The following GNG2 variants were observed in gnomAD, a reference collection of about 807,000 sequenced individuals.
GNG2 encodes the protein G protein subunit gamma 2.
A neutral mutation model predicts 5.5 loss-of-function variants in GNG2; 5 were observed. The observed-to-expected ratio is 0.91, with a 90% CI of 0.48 to 1.92. GNG2 has a LOEUF of 1.92. GNG2 is among the 30% of genes most tolerant of loss of function. The pLI, the probability that GNG2 is intolerant of heterozygous loss-of-function variation, is 0.01. For synonymous variants in GNG2, 28 were observed against 32.0 expected, an observed-to-expected ratio of 0.88 and a Z score of 0.42; for missense variants, 55 against 88.4, an observed-to-expected ratio of 0.62 and a Z score of 1.52.
At chr14:51,868,091 T>A (rs1292996959) in intron 1 of GNG2, among the ~76,000 whole-genome samples, 1 of 152,154 alleles carries the variant, frequency 6.6e-6, no homozygotes, top group Non-Finnish European at 1.5e-5. Flanking sequence ...CACAAACTCA[T>A]GGGGAAAACA....
intron 1 of GNG2, among the ~76,000 whole-genome samples, chr14:51,866,974 A>G (rs1418074938): frequency 6.6e-6 from 1 of 152,202 alleles, no homozygotes; most frequent in East Asian, 1.9e-4. Context: ...CTAAGGGATT[A>G]TGTTGTGACA....
chr14:51,919,385 A>G (rs1054145248), intron 2 of GNG2, among the ~76,000 whole-genome samples: 18 of 152,376 alleles, frequency 1.2e-4, no homozygotes, highest in African/African-American at 4.3e-4. Flanking sequence ...GAACATCTTT[A>G]AAGTCTTTAA....
chr14:51,880,978 A>AC (rs965548244), intron 2 of GNG2, among the ~76,000 whole-genome samples: 10 of 147,250 alleles, frequency 6.8e-5, no homozygotes, highest in African/African-American at 1.9e-4. Context: ...AAAAAAAAAA[A>AC]AAAAAAAAAA....
intron 3 of GNG2, chr14:51,952,059 T>A: frequency 1.6e-6 from 1 of 609,094 alleles, no homozygotes; most frequent in East Asian, 2.8e-5. Flanking sequence ...ATTTTTCAGT[T>A]CATTCCGATG....
At chr14:51,933,600 A>G (rs532626145) in intron 2 of GNG2, among the ~76,000 whole-genome samples, 2 of 152,224 alleles carry the variant, frequency 1.3e-5, no homozygotes, top group Non-Finnish European at 2.9e-5. Flanking sequence ...GATGCCAGAA[A>G]GGACCAGGAA....
At position 51,948,057 on chromosome 14, in the gene GNG2, A is replaced by C. The variant is rs538177284; in HGVS notation, c.-29-2593A>C. On this transcript the variant is annotated intron_variant, in intron 2 of 3. Transcript: ENST00000556766. ...CAAGAGGGACTTCTGTGATCAATGC[A>C]GATGCCTCCCAGGCCAGTAGCAGGA... Among the ~76,000 whole-genome samples the C allele has an allele frequency of 3.3e-5, 5 of 152,362 alleles. No homozygotes were observed. The South Asian group carries it at 1.0e-3, about 32-fold the overall frequency.
chr14:51,852,201 T>G (rs1881939545), intron 2 of GNG2, among the ~76,000 whole-genome samples: 1 of 152,224 alleles, frequency 6.6e-6, no homozygotes, highest in Admixed American at 6.5e-5. Context: ...TAATGTATAA[T>G]GAACAAACTT....
chr14:51,945,801 T>A (rs1286395645), intron 2 of GNG2, among the ~76,000 whole-genome samples: 3 of 151,952 alleles, frequency 2.0e-5, no homozygotes, highest in African/African-American at 7.3e-5. Context: ...TGTGTGTGTG[T>A]GTGATGCAGG....
chr14:51,860,416 C>A (rs569945483), upstream of GNG2: 1 of 152,862 alleles, frequency 6.5e-6, no homozygotes, highest in South Asian at 2.1e-4. Context: ...GGGACTTGAA[C>A]AAAGGGAGAA....
upstream of GNG2, among the ~76,000 whole-genome samples, chr14:51,857,665 G>A (rs1882225058): frequency 6.6e-6 from 1 of 152,168 alleles, no homozygotes; most frequent in Non-Finnish European, 1.5e-5. Flanking sequence ...GTGGCAAGAG[G>A]AAGAGAGAGG....
At chr14:51,954,727 G>A (rs779897191) in intron 3 of GNG2, among the ~76,000 whole-genome samples, 1 of 152,154 alleles carries the variant, frequency 6.6e-6, no homozygotes, top group African/African-American at 2.4e-5. Flanking sequence ...CTTTTCCTGG[G>A]AAGAAGGGAT....
intron 1 of GNG2, among the ~76,000 whole-genome samples, chr14:51,863,467 A>G (rs780400272): frequency 2.6e-5 from 4 of 152,184 alleles, no homozygotes; most frequent in Admixed American, 6.5e-5. Context: ...AAAAGTTAGC[A>G]TATTCTTGGT....
chr14:51,841,701 T>G, intron 2 of GNG2: 1 of 597,492 alleles, frequency 1.7e-6, no homozygotes, highest in East Asian at 2.8e-5. Flanking sequence ...AAAATCACTT[T>G]GTAGGAAATA....
intron 2 of GNG2, among the ~76,000 whole-genome samples, chr14:51,838,735 C>T (rs1881407128): frequency 6.6e-6 from 1 of 152,132 alleles, no homozygotes; most frequent in African/African-American, 2.4e-5. Context: ...CAGACTCCAT[C>T]TCTACAAAAA....
intron 3 of GNG2, among the ~76,000 whole-genome samples, chr14:51,958,874 T>G (rs552904513): frequency 6.6e-6 from 1 of 152,272 alleles, no homozygotes; most frequent in African/African-American, 2.4e-5. Flanking sequence ...CCATTTACTC[T>G]TACACCCATT....
At chr14:51,929,457 G>T (rs1271794342) in intron 2 of GNG2, among the ~76,000 whole-genome samples, 1 of 151,498 alleles carries the variant, frequency 6.6e-6, no homozygotes, top group Non-Finnish European at 1.5e-5. Context: ...TCTGAAATGG[G>T]TATCCATAAA....
intron 2 of GNG2, among the ~76,000 whole-genome samples, chr14:51,899,189 C>T (rs1357998440): frequency 6.6e-6 from 1 of 152,178 alleles, no homozygotes; most frequent in African/African-American, 2.4e-5. Context: ...GTTTGGAGAA[C>T]TTGATCCTTT....
At chr14:51,937,192 T>A (rs1050259048) in intron 2 of GNG2, among the ~76,000 whole-genome samples, 1 of 152,214 alleles carries the variant, frequency 6.6e-6, no homozygotes, top group Non-Finnish European at 1.5e-5. Context: ...TTAAAAACAG[T>A]ATTGATTGAA....
In GNG2 at chr14:51,967,229, G is replaced by A. The variant is rs1003316734; in HGVS notation, c.*542G>A. On this transcript the variant is annotated 3_prime_UTR_variant, in exon 4 of 4. Transcript: ENST00000556766. Reference sequence around the variant, plus strand: ...ATTAGAGTAGTGTGGAGATAAGGCTGGACTGGTCTATCAGATTGAACTCCA... The same window carrying A: ...ATTAGAGTAGTGTGGAGATAAGGCTAGACTGGTCTATCAGATTGAACTCCA... 15 of 152,810 alleles carry A rather than the reference G, an allele frequency of 9.8e-5. No homozygotes were observed. The highest frequency in any genetic ancestry group is 3.4e-4 in the African/African-American group (14 of 41,368). The allele number at this position is 152,810 out of a possible 1,614,324, so 9.5% of individuals were successfully genotyped here.
Sources: gnomAD v4.1 joint callset for allele counts (sites outside exome capture counted in the v4.1 genomes callset) on GRCh38, gnomAD v4.1.1 for gene constraint, MANE v1.5 for transcripts, NCBI Gene and HGNC (gene_info 2026-07-23, HGNC 2026-07-21) for gene names.